The following PDE4B variants were observed in gnomAD, a reference collection of about 807,000 sequenced individuals.
The protein encoded by PDE4B is 3',5'-cyclic-AMP phosphodiesterase 4B.
A neutral mutation model predicts 82.2 loss-of-function variants in PDE4B; 20 were observed. The ratio of observed to expected loss-of-function variants is 0.24; its 90% confidence interval spans 0.17 to 0.35. The LOEUF (loss-of-function observed/expected upper bound fraction) is 0.35, where lower values mean the gene tolerates loss of function less well. PDE4B is among the 10% of genes least tolerant of loss of function. The pLI is 1.00. For synonymous variants in PDE4B, 320 were observed against 318.9 expected (o/e 1.00, Z -0.04); for missense variants, 655 against 907.2 (o/e 0.72, Z 3.57).
At chr1:65,848,309 T>TTG (rs1037301869) in intron 1 of PDE4B, among the ~76,000 whole-genome samples, 2 of 151,930 alleles carry the variant, frequency 1.3e-5, no homozygotes, top group African/African-American at 2.4e-5. Context: ...TGGCTAATTT[T>TTG]TGTGTGTGTG....
intron 1 of PDE4B, among the ~76,000 whole-genome samples, chr1:65,843,032 T>G (rs1646225918): frequency 6.6e-6 from 1 of 152,014 alleles, no homozygotes; most frequent in African/African-American, 2.4e-5. Flanking sequence ...CTATCAAATG[T>G]GTAGGATGTA....
intron 8 of PDE4B, 90 bp downstream of exon 8, chr1:66,332,710 A>G (rs1484441928): frequency 2.1e-6 from 2 of 963,634 alleles, no homozygotes; most frequent in African/African-American, 1.6e-5. Context: ...TGCACCAGGG[A>G]ATGCTACCAA....
At position 66,181,985 on chromosome 1, in the gene PDE4B, A is replaced by AT. The variant is rs754311209; in HGVS notation, c.282-65467dup. ...ACTTTAAATAATTATATTAAATGCT[A>AT]TTTTTTTTGATTTCAATATATTATT... On this transcript the variant is annotated intron_variant, in intron 3 of 16. Transcript: ENST00000341517. 9.2e-4 allele frequency among the ~76,000 whole-genome samples: 140 copies of AT among 151,726 alleles called. 1 individual carries two copies. In the East Asian group the frequency reaches 0.018, roughly 20 times the overall value.
intron 3 of PDE4B, among the ~76,000 whole-genome samples, chr1:66,199,438 G>A (rs574453262): frequency 3.6e-4 from 54 of 151,784 alleles, no homozygotes; most frequent in Non-Finnish European, 5.9e-4. Context: ...CATATCCTTC[G>A]CCCACTTTTT....
At chr1:66,077,282 A>T (rs1284765640) in intron 3 of PDE4B, among the ~76,000 whole-genome samples, 1 of 152,182 alleles carries the variant, frequency 6.6e-6, no homozygotes, top group Non-Finnish European at 1.5e-5. Flanking sequence ...CAATACAATA[A>T]AATCAATAAT....
At chr1:66,354,652 C>T in intron 8 of PDE4B, 1 of 1,391,474 alleles carries the variant, frequency 7.2e-7, no homozygotes, top group Non-Finnish European at 9.3e-7. Context: ...AGGCTTCTTG[C>T]AAGAATGGAG....
chr1:66,045,607 T>A (rs1654661607), intron 3 of PDE4B, among the ~76,000 whole-genome samples: 1 of 151,688 alleles, frequency 6.6e-6, no homozygotes, highest in Non-Finnish European at 1.5e-5. Flanking sequence ...GATACTCAGG[T>A]TCTTCACCAC....
At chr1:66,332,185 T>C (rs1660163118) in intron 7 of PDE4B, 2 of 1,404,958 alleles carry the variant, frequency 1.4e-6, no homozygotes, top group African/African-American at 2.9e-5. Flanking sequence ...CTGCCTTTAG[T>C]TTTAGGACAC....
At chr1:66,302,414 T>G (rs1253102989) in intron 7 of PDE4B, among the ~76,000 whole-genome samples, 13 of 152,232 alleles carry the variant, frequency 8.5e-5, no homozygotes, top group Admixed American at 8.5e-4. Context: ...GATCACCTGA[T>G]TGATTTACTG....
At chr1:66,212,928 A>G (rs1273933337) in intron 3 of PDE4B, among the ~76,000 whole-genome samples, 1 of 152,232 alleles carries the variant, frequency 6.6e-6, no homozygotes, top group Non-Finnish European at 1.5e-5. Context: ...TCACCTGGCC[A>G]GTGAGTCCAA....
At chr1:66,256,800 C>G (rs1050546916) in intron 4 of PDE4B, among the ~76,000 whole-genome samples, 2 of 152,182 alleles carry the variant, frequency 1.3e-5, no homozygotes, top group African/African-American at 4.8e-5. Context: ...GGGAAGTTCA[C>G]TGTTACTAAT....
chr1:65,874,102 G>T (rs904499192), intron 1 of PDE4B, among the ~76,000 whole-genome samples: 52 of 151,874 alleles, frequency 3.4e-4, no homozygotes, highest in African/African-American at 1.2e-3. Context: ...TTGAGCAGTG[G>T]TTTGTAGTTC....
intron 1 of PDE4B, among the ~76,000 whole-genome samples, chr1:65,863,685 C>A (rs1646479253): frequency 6.6e-6 from 1 of 152,160 alleles, no homozygotes; most frequent in African/African-American, 2.4e-5. Flanking sequence ...AATCTGGGTG[C>A]TCCTGTATTC....
At chr1:65,982,856 C>G (rs750508857) in intron 3 of PDE4B, among the ~76,000 whole-genome samples, 1 of 152,164 alleles carries the variant, frequency 6.6e-6, no homozygotes, top group Non-Finnish European at 1.5e-5. Flanking sequence ...AGTTTAGAGG[C>G]CAGCAGAGCT....
intron 3 of PDE4B, among the ~76,000 whole-genome samples, chr1:66,120,453 C>A (rs1211752285): frequency 6.6e-6 from 1 of 152,152 alleles, no homozygotes; most frequent in Non-Finnish European, 1.5e-5. Context: ...GGATCTCTGA[C>A]TCCTTCTTTC....
intron 3 of PDE4B, among the ~76,000 whole-genome samples, chr1:65,935,744 C>A (rs1256428161): frequency 6.6e-6 from 1 of 152,064 alleles, no homozygotes; most frequent in East Asian, 1.9e-4. Context: ...GAGTTCGAGA[C>A]CAGCCCGACC....
rs1465067577 is a variant in PDE4B at position 65,923,869 on chromosome 1, T to C, written c.281+5034T>C. ...CTTCTTGAATATGTAAATTTATATC[T>C]TCCTTATCAGATCTGGAATATTCTT... On this transcript the variant is annotated intron_variant, in intron 3 of 16. Transcript: ENST00000341517. 2.0e-5 allele frequency among the ~76,000 whole-genome samples: 3 copies of C among 152,038 alleles called. No individual in the cohort carries two copies. In the East Asian group the frequency reaches 5.8e-4, roughly 29 times the overall value.
chr1:66,171,289 T>C (rs1646832083), intron 3 of PDE4B, among the ~76,000 whole-genome samples: 1 of 152,252 alleles, frequency 6.6e-6, no homozygotes, highest in Middle Eastern at 3.4e-3. Flanking sequence ...GAAAATGAAA[T>C]CTTTTCTTCC....
At chr1:66,110,347 A>C (rs1011818478) in intron 3 of PDE4B, among the ~76,000 whole-genome samples, 5 of 152,108 alleles carry the variant, frequency 3.3e-5, no homozygotes, top group Admixed American at 2.6e-4. Context: ...GGCAGCTTTC[A>C]CTAGATTGGG....
Sources: gnomAD v4.1 joint callset for allele counts (sites outside exome capture counted in the v4.1 genomes callset) on GRCh38, gnomAD v4.1.1 for gene constraint, MANE v1.5 for transcripts, NCBI Gene and HGNC (gene_info 2026-07-23, HGNC 2026-07-21) for gene names.